Variants in C11orf54 observed in about 807,000 individuals in gnomAD.
The protein encoded by C11orf54 is beta-keto L-gulonate decarboxylase.
Under a neutral mutation model 35.5 loss-of-function variants are expected in C11orf54, and 29 were observed. The ratio of observed to expected loss-of-function variants is 0.82; its 90% CI spans 0.61 to 1.11. The LOEUF is 1.11. Ranked by LOEUF, C11orf54 falls within the 50% of genes most tolerant of loss-of-function variation. The pLI, the probability that C11orf54 is intolerant of heterozygous loss-of-function variation, is 0.00. For synonymous variants in C11orf54, 108 were observed against 121.1 expected (o/e 0.89, Z 0.71); for missense variants, 373 against 369.2 (o/e 1.01, Z -0.08).
chr11:93,759,708 GTA>G (rs1943354489), intron 7 of C11orf54, 32 bp from the exon 8 acceptor site: 1 of 1,114,870 alleles, frequency 9.0e-7, no homozygotes, highest in Non-Finnish European at 1.3e-6. Context: ...GTAATATTCA[GTA>G]TGTTTACCTA....
chr11:93,747,522 T>G (rs1942541323), intron 2 of C11orf54, 74 bp downstream of exon 2: 1 of 1,130,718 alleles, frequency 8.8e-7, no homozygotes, highest in South Asian at 1.5e-5. Context: ...TTCTAAGATC[T>G]ATCTATATCT....
At chr11:93,754,098 C>A in intron 5 of C11orf54, 61 bp downstream of exon 5, 2 of 1,391,336 alleles carry the variant, frequency 1.4e-6, no homozygotes, top group East Asian at 2.3e-5. Flanking sequence ...TGTCTTTTTG[C>A]TTTTAGTGCC....
chr11:93,743,415 G>A (rs1210906355), intron 1 of C11orf54, among the ~76,000 whole-genome samples: 2 of 152,328 alleles, frequency 1.3e-5, no homozygotes, highest in Middle Eastern at 3.4e-3. Context: ...TTGCGGCTGC[G>A]GTGCCTCACT....
At chr11:93,759,626 C>G in intron 7 of C11orf54, 116 bp from the exon 8 acceptor site, 1 of 433,084 alleles carries the variant, frequency 2.3e-6, no homozygotes, top group Non-Finnish European at 3.6e-6. Context: ...ACACATGTAA[C>G]CCAGAACTTC....
Position 93,741,694 on chromosome 11 carries a change from C to G in C11orf54, c.-132C>G. The G allele has an allele frequency of 2.8e-6, 1 of 356,054 alleles. No individual in the cohort carries two copies. The highest frequency in any genetic ancestry group is 2.1e-5 in the South Asian group (1 of 48,244). 22.1% of individuals were successfully genotyped at this position (356,054 alleles called of 1,614,324 possible). On this transcript the variant is annotated 5_prime_UTR_variant, in exon 1 of 9. Coordinates refer to ENST00000354421, the MANE Select transcript of C11orf54 (RefSeq NM_001286069.2). ...GGCGGGGTTGGCCTAGGCGAAGATCCGGACTCTGGGTGTTTTGCTACCGTG... is the reference window on the plus strand; with the variant it reads ...GGCGGGGTTGGCCTAGGCGAAGATCGGGACTCTGGGTGTTTTGCTACCGTG...
intron 8 of C11orf54, among the ~76,000 whole-genome samples, chr11:93,760,840 G>A (rs1943425122): frequency 6.6e-6 from 1 of 151,606 alleles, no homozygotes; most frequent in African/African-American, 2.4e-5. Flanking sequence ...TGTATTTTCA[G>A]TAGAGACAGG....
chr11:93,748,106 G>A (rs1942583027), intron 2 of C11orf54, among the ~76,000 whole-genome samples: 1 of 152,082 alleles, frequency 6.6e-6, no homozygotes, highest in Non-Finnish European at 1.5e-5. Context: ...CTCAAAATGT[G>A]ATGTTCTGGT....
chr11:93,747,897 T>G (rs1565258764), intron 2 of C11orf54, among the ~76,000 whole-genome samples: 1 of 152,170 alleles, frequency 6.6e-6, no homozygotes, highest in Non-Finnish European at 1.5e-5. Flanking sequence ...AGACTGCCAG[T>G]GAACTTGCTT....
rs201911102 is a variant in C11orf54, at chr11:93,759,836, C to T, written c.752C>T (p.Pro251Leu). Residue 251 changes from proline (P) to leucine (L), a missense_variant, in exon 8 of 9, where the codon CCA becomes CTA. Coordinates refer to ENST00000354421, the MANE Select transcript of C11orf54 (RefSeq NM_001286069.2). ...ATGAAAGCTCCTTTGGTTTGTCTAC[C>T]AGTTTTTGTCTCCAGAGACCCAGTA... ...YEMKAPLVCL[P>L]VFVSRDPGFD... is the part of the protein sequence containing the mutation. The T allele has an allele frequency of 1.4e-5, 23 of 1,600,198 alleles. No individual in the cohort carries two copies. The highest frequency in any genetic ancestry group is 2.0e-5 in the Non-Finnish European group (23 of 1,169,740).
chr11:93,755,060 A>G (rs1245494110), intron 5 of C11orf54, 150 bp from the exon 6 acceptor site: 3 of 864,260 alleles, frequency 3.5e-6, no homozygotes, highest in Non-Finnish European at 5.0e-6. Flanking sequence ...CAAGTTTTTT[A>G]TGTCTAAAAT....
chr11:93,747,565 A>G (rs1283970842), intron 2 of C11orf54, 117 bp downstream of exon 2: 1 of 227,566 alleles, frequency 4.4e-6, no homozygotes, highest in Non-Finnish European at 7.6e-6. Context: ...CTTACTTATC[A>G]AAATAATACT....
intron 1 of C11orf54, among the ~76,000 whole-genome samples, chr11:93,744,628 T>C (rs1198225604): frequency 6.6e-6 from 1 of 152,216 alleles, no homozygotes; most frequent in African/African-American, 2.4e-5. Context: ...TTTGTCAATC[T>C]GAAATTATTT....
chr11:93,761,822 C>A lies in C11orf54; in HGVS notation c.*134C>A. The A allele has an allele frequency of 3.5e-6, 3 of 854,824 alleles. No individual in the cohort carries two copies. Among genetic ancestry groups the A allele is most frequent in the South Asian group, 6.5e-5 (2 of 31,004 alleles). 53.0% of individuals were successfully genotyped at this position (854,824 alleles called of 1,614,324 possible). Reference sequence around the variant, plus strand: ...CAATGGCTCATGCCTATAATCCCAGCACTTTGGGAGGCTGAGGCAGGAAGC... The same window carrying A: ...CAATGGCTCATGCCTATAATCCCAGAACTTTGGGAGGCTGAGGCAGGAAGC... On this transcript the variant is annotated 3_prime_UTR_variant, in exon 9 of 9. Coordinates refer to ENST00000354421, the MANE Select transcript of C11orf54 (RefSeq NM_001286069.2).
intron 7 of C11orf54, 99 bp downstream of exon 7, chr11:93,757,564 C>A: frequency 7.7e-7 from 1 of 1,293,428 alleles, no homozygotes; most frequent in Non-Finnish European, 1.1e-6. Context: ...GATCCTTGCT[C>A]TGTTGCCCAT....
chr11:93,761,816 T>TC lies in C11orf54; in HGVS notation c.*131dup, dbSNP rs1470452375. 1.1e-5 allele frequency: 10 copies of TC among 908,754 alleles called. No homozygotes were observed. In the African/African-American group the frequency reaches 1.7e-4, roughly 16 times the overall value. 56.3% of individuals were successfully genotyped at this position (908,754 alleles called of 1,614,324 possible). A position where few individuals can be genotyped will look rare whatever the true frequency, so the allele number is the denominator to read the frequency against. ...CAGGCACAATGGCTCATGCCTATAA[T>TC]CCCAGCACTTTGGGAGGCTGAGGCA... On this transcript the variant is annotated 3_prime_UTR_variant, in exon 9 of 9. Transcript: ENST00000354421.
intron 7 of C11orf54, 147 bp downstream of exon 7, chr11:93,757,612 C>T: frequency 1.2e-6 from 1 of 825,708 alleles, no homozygotes; most frequent in Non-Finnish European, 1.8e-6. Context: ...TCACTGCAAC[C>T]TCCATCTCCC....
At chr11:93,754,091 C>G in intron 5 of C11orf54, 54 bp downstream of exon 5, 1 of 1,505,080 alleles carries the variant, frequency 6.6e-7, no homozygotes, top group Non-Finnish European at 9.1e-7. Flanking sequence ...TTTGGTTTGT[C>G]TTTTTGCTTT....
chr11:93,761,806 A>C lies in C11orf54; in HGVS notation c.*118A>C. On this transcript the variant is annotated 3_prime_UTR_variant, in exon 9 of 9. Coordinates refer to ENST00000354421, the MANE Select transcript of C11orf54 (RefSeq NM_001286069.2). ...TCCCACAGGCCAGGCACAATGGCTC[A>C]TGCCTATAATCCCAGCACTTTGGGA... The C allele has an allele frequency of 9.8e-7, 1 of 1,018,574 alleles. No individual in the cohort carries two copies. 63.1% of individuals were successfully genotyped at this position (1,018,574 alleles called of 1,614,324 possible).
Position 93,756,153 on chromosome 11 carries a change from CAAGACTCTGTCTCCAAAAAAAAAAAAAA to C in C11orf54, c.507+770_507+797del, listed in dbSNP as rs1320391998. 3.1e-5 allele frequency among the ~76,000 whole-genome samples: 3 copies of C among 97,092 alleles called. No homozygotes were observed. The South Asian group carries it at 1.1e-3, about 34-fold the overall frequency. 63.7% of individuals were successfully genotyped at this position (97,092 alleles called of 152,430 possible). On this transcript the variant is annotated intron_variant, in intron 6 of 8. Coordinates refer to ENST00000354421, the MANE Select transcript of C11orf54 (RefSeq NM_001286069.2). Reference sequence around the variant, plus strand: ...TTGCACTCCAGCCTGGGCAACAAAGCAAGACTCTGTCTCCAAAAAAAAAAAAAAAAAAAAAAAGAATAGTATGGCTGGC... The same window carrying C: ...TTGCACTCCAGCCTGGGCAACAAAGCAAAAAAAAAGAATAGTATGGCTGGC...
Sources: gnomAD v4.1 joint callset for allele counts (sites outside exome capture counted in the v4.1 genomes callset) on GRCh38, gnomAD v4.1.1 for gene constraint, MANE v1.5 for transcripts, NCBI Gene and HGNC (gene_info 2026-07-23, HGNC 2026-07-21) for gene names.